The following TFPT variants were observed in gnomAD, a reference collection of about 807,000 sequenced individuals.
TFPT encodes the protein TCF3 fusion partner.
Under a neutral mutation model 28.8 loss-of-function variants are expected in TFPT, and 27 were observed. The observed-to-expected ratio is 0.94, with a 90% CI of 0.69 to 1.29. The LOEUF is 1.29. Among genes scored for constraint, TFPT ranks in the 50% most tolerant of loss-of-function variants. The pLI is 0.00. For synonymous variants in TFPT, 152 were observed against 142.8 expected (o/e 1.06, Z -0.46); for missense variants, 330 against 338.0 (o/e 0.98, Z 0.19).
At chr19:54,110,195 C>T in intron 2 of TFPT, 74 bp from the exon 3 acceptor site, 2 of 1,509,190 alleles carry the variant, frequency 1.3e-6, no homozygotes, top group South Asian at 1.1e-5. Context: ...TTTAATGGGG[C>T]ACGCACTAAA....
At chr19:54,114,902 C>G in intron 1 of TFPT, 1 of 754,516 alleles carries the variant, frequency 1.3e-6, no homozygotes, top group Admixed American at 3.0e-5. Context: ...ACCCACCCTT[C>G]GCAGCACCCA....
At chr19:54,107,205 G>A (rs774080116) in intron 5 of TFPT, 36 bp from the exon 6 acceptor site, 1 of 1,583,920 alleles carries the variant, frequency 6.3e-7, no homozygotes, top group African/African-American at 1.4e-5. Flanking sequence ...TAACAGGCCT[G>A]GGAATCTAGA....
At position 54,114,384 on chromosome 19, in the gene TFPT, C is replaced by CG; in HGVS notation, c.282+57dup. The CG allele has an allele frequency of 1.2e-5, 18 of 1,561,132 alleles. 1 individual carries two copies. The highest frequency in any genetic ancestry group is 8.4e-5 in the South Asian group (7 of 82,920). On this transcript the variant is annotated intron_variant, in intron 2 of 5. Coordinates refer to ENST00000391759, the MANE Select transcript of TFPT (RefSeq NM_013342.4). ...TGGGCATGTGGAAAGGCAGAGATTG[C>CG]GGGGGGCGGTAGTTTAGGCCAGGGG... is the stretch of plus-strand genomic sequence containing the variant.
intron 2 of TFPT, 94 bp from the exon 3 acceptor site, chr19:54,110,215 C>T (rs1327399139): frequency 1.5e-6 from 2 of 1,373,152 alleles, no homozygotes; most frequent in Non-Finnish European, 2.1e-6. Context: ...ACTCTGGAGA[C>T]TGGCCAAAGA....
chr19:54,115,113 G>T, intron 1 of TFPT, 134 bp downstream of exon 1: 1 of 1,365,214 alleles, frequency 7.3e-7, no homozygotes, highest in Non-Finnish European at 1.0e-6. Context: ...GTCCATAAAA[G>T]GGTTCTAAGG....
At chr19:54,114,420 CG>C in intron 2 of TFPT, 21 bp downstream of exon 2, 1 of 1,598,478 alleles carries the variant, frequency 6.3e-7, no homozygotes. Context: ...ACCCCAAAAC[CG>C]GGGGATCCGC....
chr19:54,111,789 A>G (rs587748011), intron 2 of TFPT, among the ~76,000 whole-genome samples: 4 of 151,546 alleles, frequency 2.6e-5, no homozygotes, highest in Non-Finnish European at 4.4e-5. Flanking sequence ...GTTTGAGACC[A>G]GCCTAACGTG....
chr19:54,110,203 A>G, intron 2 of TFPT, 82 bp from the exon 3 acceptor site: 2 of 1,479,504 alleles, frequency 1.4e-6, no homozygotes, highest in East Asian at 2.3e-5. Context: ...GGCACGCACT[A>G]AACTCTGGAG....
At chr19:54,110,820 C>G (rs587639806) in intron 2 of TFPT, among the ~76,000 whole-genome samples, 2 of 152,288 alleles carry the variant, frequency 1.3e-5, no homozygotes, top group African/African-American at 4.8e-5. Context: ...GCAGCCTCTC[C>G]GCCTCTTTGC....
chr19:54,107,655 C>G lies in TFPT; in HGVS notation c.642+371G>C, dbSNP rs1010024013. On this transcript the variant is annotated intron_variant, in intron 5 of 5. Transcript: ENST00000391759. Reference sequence around the variant, plus strand: ...TGTTCTTCCAGCTTTCCTCCCCACACTGGGCCTTCCCTTCCACTCCGTCTT... The same window carrying G: ...TGTTCTTCCAGCTTTCCTCCCCACAGTGGGCCTTCCCTTCCACTCCGTCTT... 30 of 318,126 alleles carry G rather than the reference C, an allele frequency of 9.4e-5. No individual in the cohort carries two copies. In the East Asian group the frequency reaches 1.6e-3, roughly 17 times the overall value. The allele number at this position is 318,126 out of a possible 1,614,324, so 19.7% of individuals were successfully genotyped here. A position where few individuals can be genotyped will look rare whatever the true frequency, so the allele number is the denominator to read the frequency against.
At chr19:54,110,408 A>G (rs2146359030) in intron 2 of TFPT, among the ~76,000 whole-genome samples, 1 of 152,230 alleles carries the variant, frequency 6.6e-6, no homozygotes, top group Middle Eastern at 3.4e-3. Flanking sequence ...TTACCTGCTC[A>G]GAGAGCCTGA....
intron 5 of TFPT, 28 bp downstream of exon 5, chr19:54,107,998 C>T (rs1248841146): frequency 6.6e-7 from 1 of 1,513,056 alleles, no homozygotes; most frequent in South Asian, 1.3e-5. Context: ...AGCCCCAGTC[C>T]CTCCCCTTGA....
intron 1 of TFPT, 138 bp from the exon 2 acceptor site, chr19:54,114,838 C>T (rs142874517): frequency 7.9e-7 from 1 of 1,270,566 alleles, no homozygotes; most frequent in South Asian, 1.5e-5. Context: ...TCCCTCAGAC[C>T]GTAGAATCCA....
rs960809894 is a variant in TFPT at position 54,114,573 on chromosome 19, C to T, written c.151G>A (p.Gly51Ser). Residue 51 changes from glycine to serine, a missense_variant, in exon 2 of 6, where the codon GGT becomes AGT. Transcript: ENST00000391759. ...TCCCGGAGCCCTGAGCCGCCCAGACCACCTGACACAAACTCCACTTCCGTC... is the reference window on the plus strand; with the variant it reads ...TCCCGGAGCCCTGAGCCGCCCAGACTACCTGACACAAACTCCACTTCCGTC... ...LETEVEFVSG[G>S]LGGSGLRERD... The T allele has an allele frequency of 5.0e-6, 8 of 1,614,142 alleles. No homozygotes were observed. The highest frequency in any genetic ancestry group is 6.8e-6 in the Non-Finnish European group (8 of 1,180,032).
chr19:54,107,120 G>A lies in TFPT; in HGVS notation c.692C>T (p.Ser231Phe). The change falls in exon 6 of 6, where the codon TCC becomes TTC. Residue 231 changes from serine to phenylalanine, a missense_variant. Transcript: ENST00000391759. Reference protein sequence around the residue: ...FGFEADEALDSSWVSRGPDKL... With the variant: ...FGFEADEALDFSWVSRGPDKL... ...GTCTGGACCCCGAGAAACCCAACTG[G>A]AATCCAGGGCCTCATCTGCTTCAAA... The A allele has an allele frequency of 6.2e-7, 1 of 1,613,900 alleles. No individual in the cohort carries two copies. The highest frequency in any genetic ancestry group is 8.5e-7 in the Non-Finnish European group (1 of 1,179,968).
At chr19:54,112,278 C>T (rs1210895812) in intron 2 of TFPT, among the ~76,000 whole-genome samples, 1 of 150,576 alleles carries the variant, frequency 6.6e-6, no homozygotes, top group Non-Finnish European at 1.5e-5. Context: ...AATCTCAGAT[C>T]TGCCACTGCT....
rs1354413837 is a variant in TFPT, at chr19:54,107,180, T to TA, written c.643-12dup. 6.2e-7 allele frequency: 1 copy of TA among 1,611,664 alleles called. No homozygotes were observed. Among genetic ancestry groups the TA allele is most frequent in the Non-Finnish European group, 8.5e-7 (1 of 1,179,414 alleles). ...TTCCTCAACCTTAATCTGCAGGAGATAAGGAACAAGGTGTTAACAGGCCTG... is the reference window on the plus strand; with the variant it reads ...TTCCTCAACCTTAATCTGCAGGAGATAAAGGAACAAGGTGTTAACAGGCCTG... On this transcript the variant is annotated splice_polypyrimidine_tract_variant and intron_variant, in intron 5 of 5. Transcript: ENST00000391759.
In TFPT at chr19:54,107,128, G is replaced by A. The variant is rs1383777728; in HGVS notation, c.684C>T (p.Ala228=). 2.5e-6 allele frequency: 4 copies of A among 1,613,616 alleles called. No individual in the cohort carries two copies. Among genetic ancestry groups the A allele is most frequent in the Non-Finnish European group, 3.4e-6 (4 of 1,179,942 alleles). The change falls in exon 6 of 6, where the codon GCC becomes GCT. Residue 228 remains alanine (A), a synonymous_variant. Coordinates refer to ENST00000391759, the MANE Select transcript of TFPT (RefSeq NM_013342.4). ...CCCGAGAAACCCAACTGGAATCCAGGGCCTCATCTGCTTCAAAGCCAAAGT... is the reference window on the plus strand; with the variant it reads ...CCCGAGAAACCCAACTGGAATCCAGAGCCTCATCTGCTTCAAAGCCAAAGT... ...EEDFGFEADE[A]LDSSWVSRGP...
At chr19:54,114,414 CA>C (rs1480553648) in intron 2 of TFPT, 27 bp downstream of exon 2, 1 of 1,595,548 alleles carries the variant, frequency 6.3e-7, no homozygotes, top group Non-Finnish European at 8.6e-7. Flanking sequence ...CAGGGGACCC[CA>C]AAACCGGGGG....
Sources: gnomAD v4.1 joint callset for allele counts (sites outside exome capture counted in the v4.1 genomes callset) on GRCh38, gnomAD v4.1.1 for gene constraint, MANE v1.5 for transcripts, NCBI Gene and HGNC (gene_info 2026-07-23, HGNC 2026-07-21) for gene names.